Variants in JARID2 observed in about 807,000 individuals in gnomAD.
The protein encoded by JARID2 is jumonji and AT-rich interaction domain containing 2.
In JARID2, 21 loss-of-function variants were observed where a neutral mutation model predicts 125.6. That is an observed-to-expected ratio of 0.17 (90% CI 0.12 to 0.24). JARID2 has a LOEUF of 0.24. Ranked by LOEUF, JARID2 falls within the 10% of genes least tolerant of loss-of-function variation. The probability of loss-of-function intolerance (pLI) is 1.00; values close to 1 mark genes in which losing one functional copy is unlikely to be tolerated. For synonymous variants in JARID2, 736 were observed against 661.6 expected (o/e 1.11, Z -1.73); for missense variants, 1,303 against 1,639.6 (o/e 0.79, Z 3.55).
intron 1 of JARID2, among the ~76,000 whole-genome samples, chr6:15,356,295 C>T (rs1335966652): frequency 1.3e-5 from 2 of 152,116 alleles, no homozygotes; most frequent in South Asian, 4.1e-4. Flanking sequence ...CATGAGTGCC[C>T]AGGAATAGAA....
intron 3 of JARID2, among the ~76,000 whole-genome samples, chr6:15,429,018 C>T (rs1392849613): frequency 1.3e-5 from 2 of 149,420 alleles, no homozygotes; most frequent in African/African-American, 5.0e-5. Context: ...AAGCTATTCA[C>T]AGAATTGGTT....
rs1762537972 is a variant in JARID2 at position 15,326,477 on chromosome 6, C to CGTT, written c.46-47640_46-47639insGTT. On this transcript the variant is annotated intron_variant, in intron 1 of 17. Coordinates refer to ENST00000341776, the MANE Select transcript of JARID2 (RefSeq NM_004973.4). ...AAGTGCTGAGGTTACAGGAGTGAGC[C>CGTT]ACCACGCCTGGCCTGTCAGTATTAA... is the stretch of plus-strand genomic sequence containing the variant. 2.6e-5 allele frequency among the ~76,000 whole-genome samples: 4 copies of CGTT among 152,282 alleles called. No homozygotes were observed. The South Asian group carries it at 8.3e-4, about 32-fold the overall frequency.
chr6:15,372,854 G>A lies in JARID2; in HGVS notation c.46-1263G>A, dbSNP rs561469197. On this transcript the variant is annotated intron_variant, in intron 1 of 17. Transcript: ENST00000341776. ...CTCCTGAATAGCTGGGATTACAGTC[G>A]CGTGCCACCACGCCTGGCTAGTTTT... 6.1e-4 allele frequency among the ~76,000 whole-genome samples: 93 copies of A among 151,932 alleles called. 3 individuals are homozygous for A. The South Asian group carries it at 0.018, about 30-fold the overall frequency.
rs1370731664 is a variant in JARID2 at position 15,520,742 on chromosome 6, C to T, written c.*491C>T. 8.1e-5 allele frequency: 37 copies of T among 455,736 alleles called. No individual in the cohort carries two copies. Among genetic ancestry groups the T allele is most frequent in the Middle Eastern group, 6.5e-4 (2 of 3,090 alleles). The allele number at this position is 455,736 out of a possible 1,614,324, so 28.2% of individuals were successfully genotyped here. A position where few individuals can be genotyped will look rare whatever the true frequency, so the allele number is the denominator to read the frequency against. ...ATGGCTTTGCTTTGGCTGTCGTCTT[C>T]TGCCGTGTGCCAGATGAGCTTGTGA... On this transcript the variant is annotated 3_prime_UTR_variant, in exon 18 of 18. Coordinates refer to ENST00000341776, the MANE Select transcript of JARID2 (RefSeq NM_004973.4).
intron 2 of JARID2, among the ~76,000 whole-genome samples, chr6:15,389,145 ACTGT>A (rs1764906001): frequency 2.0e-5 from 3 of 151,918 alleles, no homozygotes; most frequent in African/African-American, 4.8e-5. Flanking sequence ...CAATCATTTA[ACTGT>A]CTTTTATATT....
intron 1 of JARID2, among the ~76,000 whole-genome samples, chr6:15,365,794 G>A (rs569688824): frequency 2.0e-5 from 3 of 152,198 alleles, no homozygotes; most frequent in South Asian, 2.1e-4. Flanking sequence ...TTAAACCCTA[G>A]GCAAGGGAAC....
Position 15,316,777 on chromosome 6 carries a change from C to T in JARID2, c.46-57340C>T, listed in dbSNP as rs142735338. On this transcript the variant is annotated intron_variant, in intron 1 of 17. Coordinates refer to ENST00000341776, the MANE Select transcript of JARID2 (RefSeq NM_004973.4). ...CTTTGCCTCCTGAGTGCTGGGATTA[C>T]AGGCAAGAGCCAGTGCACCTGGCCC... is the stretch of plus-strand genomic sequence containing the variant. Among the ~76,000 whole-genome samples, 3 of 152,302 alleles carry T rather than the reference C, an allele frequency of 2.0e-5. 1 individual carries two copies. The highest frequency in any genetic ancestry group is 4.2e-4 in the South Asian group (2 of 4,816).
At chr6:15,515,367 T>C (rs1341762129) in intron 16 of JARID2, among the ~76,000 whole-genome samples, 1 of 152,172 alleles carries the variant, frequency 6.6e-6, no homozygotes, top group African/African-American at 2.4e-5. Flanking sequence ...GGCTGTATGG[T>C]AGTTACACCT....
chr6:15,405,743 C>T (rs1003293791), intron 2 of JARID2, among the ~76,000 whole-genome samples: 7 of 152,148 alleles, frequency 4.6e-5, no homozygotes, highest in Non-Finnish European at 8.8e-5. Flanking sequence ...CATTATTTCT[C>T]GTTGACTAAA....
intron 3 of JARID2, among the ~76,000 whole-genome samples, chr6:15,412,381 T>C (rs901249422): frequency 1.3e-5 from 2 of 152,174 alleles, no homozygotes; most frequent in Non-Finnish European, 2.9e-5. Context: ...CAATCTCAGC[T>C]CACTGCAATC....
At chr6:15,392,116 C>G (rs895978303) in intron 2 of JARID2, among the ~76,000 whole-genome samples, 1 of 150,450 alleles carries the variant, frequency 6.6e-6, no homozygotes, top group Non-Finnish European at 1.5e-5. Flanking sequence ...CCAACTTGGC[C>G]TAGGTTTTAG....
chr6:15,313,845 A>G (rs1164064600), intron 1 of JARID2, among the ~76,000 whole-genome samples: 2 of 152,168 alleles, frequency 1.3e-5, no homozygotes, highest in African/African-American at 4.8e-5. Context: ...CTCTTCTCCT[A>G]GGGGCAGATG....
At chr6:15,479,564 T>C (rs2237128) in intron 5 of JARID2, among the ~76,000 whole-genome samples, 118,924 of 152,178 alleles carry the variant, frequency 0.78, 46,509 homozygotes, top group Admixed American at 0.82. Context: ...TGATTGGCTT[T>C]AAACATTCTA....
intron 1 of JARID2, among the ~76,000 whole-genome samples, chr6:15,256,604 TC>T (rs1429740989): frequency 1.2e-5 from 1 of 81,722 alleles, no homozygotes; most frequent in Admixed American, 1.1e-4. Flanking sequence ...ACTTCACACA[TC>T]CGGGGCTTCA....
intron 1 of JARID2, among the ~76,000 whole-genome samples, chr6:15,283,203 C>T (rs1189642218): frequency 6.6e-6 from 1 of 150,986 alleles, no homozygotes; most frequent in Non-Finnish European, 1.5e-5. Context: ...CGGTCTCGAT[C>T]TGCCGACCTT....
chr6:15,504,409 A>C (rs746363560), intron 8 of JARID2, 91 bp from the exon 9 acceptor site: 9 of 900,370 alleles, frequency 1.0e-5, no homozygotes, highest in Non-Finnish European at 1.3e-5. Flanking sequence ...AGGGACGCCA[A>C]GGGGCAGCGG....
chr6:15,397,882 A>G (rs1765276381), intron 2 of JARID2, among the ~76,000 whole-genome samples: 1 of 152,232 alleles, frequency 6.6e-6, no homozygotes, highest in African/African-American at 2.4e-5. Flanking sequence ...GCAATAAACT[A>G]GAAGCGCCTT....
chr6:15,472,736 C>G (rs1769136573), intron 5 of JARID2, among the ~76,000 whole-genome samples: 1 of 152,148 alleles, frequency 6.6e-6, no homozygotes, highest in African/African-American at 2.4e-5. Context: ...TCTTGCTGTC[C>G]CATTCTGTTG....
At chr6:15,342,512 T>TA (rs532055182) in intron 1 of JARID2, among the ~76,000 whole-genome samples, 89 of 152,334 alleles carry the variant, frequency 5.8e-4, no homozygotes, top group African/African-American at 2.0e-3. Context: ...TAATTCAAAC[T>TA]AATTAGAATT....
Sources: allele counts gnomAD v4.1 joint callset (sites outside exome capture counted in the v4.1 genomes callset), GRCh38; gene constraint gnomAD v4.1.1; transcripts MANE v1.5; gene names NCBI Gene and HGNC (gene_info 2026-07-23, HGNC 2026-07-21).